KANK1: variants seen among roughly 807,000 people sequenced by gnomAD.
The protein encoded by KANK1 is KN motif and ankyrin repeat domain-containing protein 1.
KANK1 carries 109 observed loss-of-function variants against 106.2 expected under a neutral mutation model. The observed-to-expected ratio is 1.03, with a 90% CI of 0.88 to 1.20. The LOEUF is 1.20. Among genes scored for constraint, KANK1 ranks in the 50% most tolerant of loss-of-function variants. The pLI is 0.00. For missense variants in KANK1, 2,399 were observed against 1,710.7 expected (o/e 1.40, Z -7.10); for synonymous variants, 873 against 652.2 (o/e 1.34, Z -5.16).
chr9:481,294 A>AC (rs1200187381), intron 3 of KANK1, among the ~76,000 whole-genome samples: 2 of 135,874 alleles, frequency 1.5e-5, no homozygotes, highest in African/African-American at 5.6e-5. Context: ...ACAAAACAAA[A>AC]CAAAAAAAAA....
intron 1 of KANK1, among the ~76,000 whole-genome samples, chr9:529,597 T>C (rs901720957): frequency 6.6e-6 from 1 of 152,242 alleles, no homozygotes; most frequent in Non-Finnish European, 1.5e-5. Flanking sequence ...CATCTTTTTT[T>C]CATAGAACCA....
chr9:728,349 C>G (rs1385818324), intron 3 of KANK1, among the ~76,000 whole-genome samples: 1 of 152,178 alleles, frequency 6.6e-6, no homozygotes, highest in Non-Finnish European at 1.5e-5. Context: ...AGGCACCCCC[C>G]ACCATGCGTG....
At chr9:596,482 A>G (rs191441022) in intron 1 of KANK1, among the ~76,000 whole-genome samples, 7 of 151,878 alleles carry the variant, frequency 4.6e-5, no homozygotes, top group East Asian at 3.9e-4. Context: ...GTTTCTGGCA[A>G]TGGATCATTT....
intron 1 of KANK1, among the ~76,000 whole-genome samples, chr9:540,977 C>G (rs748752766): frequency 9.9e-5 from 15 of 152,164 alleles, no homozygotes; most frequent in Non-Finnish European, 2.2e-4. Context: ...CTTCTGCTGA[C>G]TTTGGGCTGT....
At chr9:598,266 T>C (rs1410851058) in intron 1 of KANK1, among the ~76,000 whole-genome samples, 2 of 151,798 alleles carry the variant, frequency 1.3e-5, no homozygotes, top group Non-Finnish European at 2.9e-5. Flanking sequence ...TTACTGTAGC[T>C]TTGTAGTAAG....
exon 2 of KANK1, chr9:470,593 G>C (rs1030323463): frequency 6.6e-6 from 1 of 152,354 alleles, no homozygotes; most frequent in African/African-American, 2.4e-5. Context: ...TTCTAGCGAA[G>C]ACTTCGGAGG....
At chr9:527,158 AT>A (rs2059827378) in intron 1 of KANK1, among the ~76,000 whole-genome samples, 1 of 151,582 alleles carries the variant, frequency 6.6e-6, no homozygotes. Flanking sequence ...GTAGCTGTCC[AT>A]TCATCCTTTC....
chr9:581,298 C>T (rs976833941), intron 1 of KANK1, among the ~76,000 whole-genome samples: 1 of 152,196 alleles, frequency 6.6e-6, no homozygotes, highest in Non-Finnish European at 1.5e-5. Flanking sequence ...GCTGACAGCA[C>T]GTTGTCACCT....
intron 1 of KANK1, among the ~76,000 whole-genome samples, chr9:568,940 C>G (rs1486167375): frequency 6.6e-6 from 1 of 152,182 alleles, no homozygotes; most frequent in East Asian, 1.9e-4. Flanking sequence ...GATTTCCACA[C>G]TCATCGGGGT....
In KANK1 at chr9:713,063, T is replaced by C. The variant is rs1477415809; in HGVS notation, c.2297T>C (p.Ile766Thr). The change falls in exon 3 of 12, where the codon ATT becomes ACT. Residue 766 changes from isoleucine (I) to threonine (T), a missense_variant. Coordinates refer to ENST00000382297, the MANE Select transcript of KANK1 (RefSeq NM_015158.5). The stretch of plus-strand genomic sequence containing the variant: ...GAGTCAGGTGTGGGGCAGATAAATA[T>C]TAACGACAACTATCTGGTTGGTCTC... ...TKESGVGQIN[I>T]NDNYLVGLKM... The C allele has an allele frequency of 6.2e-7, 1 of 1,613,970 alleles. No homozygotes were observed. The highest frequency in any genetic ancestry group is 8.5e-7 in the Non-Finnish European group (1 of 1,180,028).
At chr9:735,854 G>A in intron 7 of KANK1, 1 of 315,200 alleles carries the variant, frequency 3.2e-6, no homozygotes, top group African/African-American at 2.1e-5. Flanking sequence ...AGTTAGCCAG[G>A]CATGGTGGTA....
At chr9:552,216 G>A (rs2061325472) in intron 1 of KANK1, among the ~76,000 whole-genome samples, 1 of 152,186 alleles carries the variant, frequency 6.6e-6, no homozygotes, top group Non-Finnish European at 1.5e-5. Context: ...AGCATATGCA[G>A]ACACCCTGAG....
At chr9:536,307 A>G (rs1563731659) in intron 1 of KANK1, among the ~76,000 whole-genome samples, 1 of 152,176 alleles carries the variant, frequency 6.6e-6, no homozygotes, top group Non-Finnish European at 1.5e-5. Context: ...ATGCCACTGC[A>G]CTCCAACTTG....
In KANK1 at chr9:547,276, G is replaced by A. The variant is rs143518235; in HGVS notation, c.-84+42522G>A. ...TATCTTGGGTTCAATTAACAAGAAA[G>A]TCTACAGTAACATTTTGTCAATGGG... On this transcript the variant is annotated intron_variant, in intron 1 of 11. Transcript: ENST00000382297. 2.6e-3 allele frequency: 392 copies of A among 152,328 alleles called. 2 individuals are homozygous for A. The highest frequency in any genetic ancestry group is 9.0e-3 in the African/African-American group (373 of 41,578). 9.4% of individuals were successfully genotyped at this position (152,328 alleles called of 1,614,324 possible).
intron 6 of KANK1, chr9:734,378 A>G (rs1833171072): frequency 5.5e-6 from 1 of 180,600 alleles, no homozygotes; most frequent in Admixed American, 5.5e-5. Context: ...TATATTTTTA[A>G]AAGTTGAAGC....
intron 1 of KANK1, among the ~76,000 whole-genome samples, chr9:538,237 G>A (rs1011749993): frequency 6.6e-6 from 1 of 152,052 alleles, no homozygotes; most frequent in African/African-American, 2.4e-5. Flanking sequence ...GAGAAAGATC[G>A]TGTTGCAAAA....
chr9:533,355 C>G (rs1159193524), intron 1 of KANK1, among the ~76,000 whole-genome samples: 5 of 152,162 alleles, frequency 3.3e-5, no homozygotes, highest in African/African-American at 4.8e-5. Context: ...TTTAACCTTT[C>G]TAAGTCTGTT....
intron 2 of KANK1, among the ~76,000 whole-genome samples, chr9:690,562 G>A (rs577493131): frequency 1.3e-5 from 2 of 152,248 alleles, no homozygotes; most frequent in Admixed American, 1.3e-4. Flanking sequence ...TGTGCACAGT[G>A]GGTGGTGGGG....
At chr9:474,019 C>T (rs2058064228) in intron 3 of KANK1, among the ~76,000 whole-genome samples, 1 of 152,088 alleles carries the variant, frequency 6.6e-6, no homozygotes, top group South Asian at 2.1e-4. Flanking sequence ...CAACATTAGA[C>T]TCAGCCAGAG....
Sources: gnomAD v4.1 joint callset for allele counts (sites outside exome capture counted in the v4.1 genomes callset) on GRCh38, gnomAD v4.1.1 for gene constraint, MANE v1.5 for transcripts, NCBI Gene and HGNC (gene_info 2026-07-23, HGNC 2026-07-21) for gene names.